Variants in SPATA13 observed in about 807,000 individuals in gnomAD.
SPATA13 encodes spermatogenesis-associated protein 13.
SPATA13 carries 50 observed loss-of-function variants against 104.0 expected under a neutral mutation model. The observed-to-expected ratio is 0.48, with a 90% CI of 0.38 to 0.61. The LOEUF is 0.61. SPATA13 is among the 20% of genes least tolerant of loss of function. The probability of loss-of-function intolerance (pLI) is 0.00; values close to 1 mark genes in which losing one functional copy is unlikely to be tolerated. For missense variants in SPATA13, 1,524 were observed against 1,690.6 expected, an observed-to-expected ratio of 0.90 and a Z score of 1.73; for synonymous variants, 606 against 667.5, an observed-to-expected ratio of 0.91 and a Z score of 1.42.
At chr13:24,047,102 A>T (rs1014084979) in intron 3 of SPATA13, among the ~76,000 whole-genome samples, 1 of 152,174 alleles carries the variant, frequency 6.6e-6, no homozygotes, top group African/African-American at 2.4e-5. Context: ...GTCCTGGTGC[A>T]CTGAGTCCAC....
intron 1 of SPATA13, among the ~76,000 whole-genome samples, chr13:24,190,023 A>AT (rs1337003719): frequency 2.3e-5 from 2 of 85,506 alleles, no homozygotes; most frequent in East Asian, 3.9e-4. Flanking sequence ...TATATAACAT[A>AT]ATGATATACA....
chr13:23,998,927 G>GTT (rs144157914), intron 2 of SPATA13, among the ~76,000 whole-genome samples: 2 of 145,814 alleles, frequency 1.4e-5, no homozygotes, highest in Non-Finnish European at 3.0e-5. Context: ...CACTAACTTT[G>GTT]GTTTTTTTTT....
intron 1 of SPATA13, among the ~76,000 whole-genome samples, chr13:24,162,980 T>A (rs1054473633): frequency 1.3e-5 from 2 of 152,352 alleles, no homozygotes; most frequent in South Asian, 4.1e-4. Flanking sequence ...GGACAGTGCA[T>A]GGAGAAAAAC....
chr13:24,237,882 TTTATA>T (rs1313490434), intron 2 of SPATA13, among the ~76,000 whole-genome samples: 2,071 of 147,194 alleles, frequency 0.014, 69 homozygotes, highest in Middle Eastern at 0.065. Flanking sequence ...ATATATATCA[TTTATA>T]ATATATAAAC....
chr13:24,084,839 T>G (rs1371687935), intron 3 of SPATA13, among the ~76,000 whole-genome samples: 1 of 152,124 alleles, frequency 6.6e-6, no homozygotes, highest in African/African-American at 2.4e-5. Flanking sequence ...CTGGGCAACA[T>G]AGCAAGACCC....
At chr13:24,229,178 G>A (rs1287482146) in intron 2 of SPATA13, among the ~76,000 whole-genome samples, 5 of 152,220 alleles carry the variant, frequency 3.3e-5, no homozygotes, top group Non-Finnish European at 7.3e-5. Flanking sequence ...TCTCCTACCA[G>A]CTCACAAGGA....
chr13:24,059,214 A>G (rs1167595648), intron 3 of SPATA13, among the ~76,000 whole-genome samples: 1 of 149,572 alleles, frequency 6.7e-6, no homozygotes, highest in Non-Finnish European at 1.5e-5. Context: ...CTCGTAATCC[A>G]CCCCCCTCGG....
At chr13:24,041,977 A>G (rs1364306959) in intron 3 of SPATA13, among the ~76,000 whole-genome samples, 1 of 152,252 alleles carries the variant, frequency 6.6e-6, no homozygotes, top group Non-Finnish European at 1.5e-5. Flanking sequence ...AATGTTGCCT[A>G]AAGCCTGTTT....
chr13:24,033,584 AG>A (rs1877563893), intron 3 of SPATA13: 1 of 152,346 alleles, frequency 6.6e-6, no homozygotes, highest in East Asian at 1.9e-4. Flanking sequence ...CTCAGCTTCA[AG>A]GGGGCTCACG....
intron 2 of SPATA13, 88 bp downstream of exon 2, chr13:24,224,670 C>A: frequency 7.3e-7 from 1 of 1,377,100 alleles, no homozygotes; most frequent in South Asian, 1.2e-5. Flanking sequence ...CCTAACCTGT[C>A]AAGGTCAGTG....
intron 3 of SPATA13, among the ~76,000 whole-genome samples, chr13:24,141,354 A>G (rs1881756490): frequency 6.6e-6 from 1 of 152,122 alleles, no homozygotes; most frequent in Non-Finnish European, 1.5e-5. Context: ...TAATTAACAT[A>G]CTGAGTGCTC....
chr13:24,187,193 A>G (rs1869203788), intron 1 of SPATA13, among the ~76,000 whole-genome samples: 1 of 152,182 alleles, frequency 6.6e-6, no homozygotes, highest in African/African-American at 2.4e-5. Context: ...AAAATTCTTT[A>G]GCTATCCAAA....
At position 24,138,199 on chromosome 13, in the gene SPATA13, C is replaced by T. The variant is rs1045085795; in HGVS notation, c.-111-84620C>T. On this transcript the variant is annotated intron_variant, in intron 3 of 14. Coordinates refer to the SPATA13 transcript ENST00000424834. ...ACGTGTGCCTGTAATCCCAGCTACTCGGGAGGCTGAGGCAAGAGAATTGCT... is the reference window on the plus strand; with the variant it reads ...ACGTGTGCCTGTAATCCCAGCTACTTGGGAGGCTGAGGCAAGAGAATTGCT... Among the ~76,000 whole-genome samples, 11 of 151,272 alleles carry T rather than the reference C, an allele frequency of 7.3e-5. No homozygotes were observed. In the South Asian group the frequency reaches 1.0e-3, roughly 14 times the overall value.
intron 3 of SPATA13, among the ~76,000 whole-genome samples, chr13:24,114,358 T>TGTGTGCCTGCATGTGTGCACATGC (rs1880757434): frequency 6.7e-6 from 1 of 148,710 alleles, no homozygotes; most frequent in Non-Finnish European, 1.5e-5. Context: ...AGTGTGCACG[T>TGTGTGCCTGCATGTGTGCACATGC]GTGTGCCTGC....
At chr13:24,243,495 G>C (rs1282302663) in intron 2 of SPATA13, among the ~76,000 whole-genome samples, 1 of 152,234 alleles carries the variant, frequency 6.6e-6, no homozygotes, top group Non-Finnish European at 1.5e-5. Context: ...AGGAGAGGCA[G>C]AGGTTTTGAA....
chr13:24,103,518 C>G (rs1447695853), intron 3 of SPATA13, among the ~76,000 whole-genome samples: 3 of 120,536 alleles, frequency 2.5e-5, no homozygotes, highest in Admixed American at 2.5e-4. Flanking sequence ...AAGAAAAGAG[C>G]AGGGGAGGAG....
upstream of SPATA13, among the ~76,000 whole-genome samples, chr13:24,159,198 T>G (rs1255274910): frequency 6.6e-6 from 1 of 152,196 alleles, no homozygotes; most frequent in Non-Finnish European, 1.5e-5. Flanking sequence ...GCAGATTTTT[T>G]ATAGAGTAGA....
chr13:24,032,790 T>G (rs867659901), intron 3 of SPATA13, among the ~76,000 whole-genome samples: 1 of 152,374 alleles, frequency 6.6e-6, no homozygotes, highest in Middle Eastern at 3.4e-3. Flanking sequence ...GGGGTGGCCT[T>G]ACCCTAGTGG....
At chr13:24,155,059 T>A (rs917829860) in intron 3 of SPATA13, among the ~76,000 whole-genome samples, 3 of 152,188 alleles carry the variant, frequency 2.0e-5, no homozygotes, top group Non-Finnish European at 4.4e-5. Context: ...GGTTTCACCA[T>A]GTTGGCTAGG....
Sources: allele counts gnomAD v4.1 joint callset (sites outside exome capture counted in the v4.1 genomes callset), GRCh38; gene constraint gnomAD v4.1.1; transcripts MANE v1.5; gene names NCBI Gene and HGNC (gene_info 2026-07-23, HGNC 2026-07-21).